HS6ST3: variants seen among roughly 807,000 people sequenced by gnomAD.
HS6ST3 encodes the protein heparan sulfate 6-O-sulfotransferase 3, also known as heparan-sulfate 6-O-sulfotransferase 3.
HS6ST3 carries 12 observed loss-of-function variants against 36.7 expected under a neutral mutation model. The ratio of observed to expected loss-of-function variants is 0.33; its 90% CI spans 0.21 to 0.53. HS6ST3 has a LOEUF of 0.53. Ranked by LOEUF, HS6ST3 falls within the 20% of genes least tolerant of loss-of-function variation. The pLI is 0.95. For missense variants in HS6ST3, 584 were observed against 640.9 expected (o/e 0.91, Z 0.96); for synonymous variants, 240 against 257.5 (o/e 0.93, Z 0.65).
intron 1 of HS6ST3, among the ~76,000 whole-genome samples, chr13:96,391,174 G>T (rs911828802): frequency 3.3e-5 from 5 of 152,072 alleles, no homozygotes; most frequent in African/African-American, 1.2e-4. Context: ...CTCTATGCTC[G>T]CTTGATAGCA....
intron 1 of HS6ST3, among the ~76,000 whole-genome samples, chr13:96,758,493 A>G (rs1876887578): frequency 6.6e-6 from 1 of 151,692 alleles, no homozygotes; most frequent in East Asian, 1.9e-4. Context: ...CTTTAGGTGG[A>G]AACATATCAT....
In HS6ST3 at chr13:96,834,576, G is replaced by A. The variant is rs1266974465; in HGVS notation, c.*1378G>A. The A allele has an allele frequency of 6.6e-6, 1 of 152,592 alleles. No individual in the cohort carries two copies. The highest frequency in any genetic ancestry group is 1.5e-5 in the Non-Finnish European group (1 of 68,048). The allele number at this position is 152,592 out of a possible 1,614,324, so 9.5% of individuals were successfully genotyped here. A position where few individuals can be genotyped will look rare whatever the true frequency, so the allele number is the denominator to read the frequency against. ...ATATGTATGGAAGAAGGAAGAGAAA[G>A]CCTTTGTCTAGCATTTATTAGGAGG... On this transcript the variant is annotated 3_prime_UTR_variant, in exon 2 of 2. Coordinates refer to ENST00000376705, the MANE Select transcript of HS6ST3 (RefSeq NM_153456.4).
intron 1 of HS6ST3, among the ~76,000 whole-genome samples, chr13:96,334,203 T>A (rs1257391197): frequency 6.6e-6 from 1 of 152,170 alleles, no homozygotes; most frequent in Non-Finnish European, 1.5e-5. Context: ...TCATGCCAAG[T>A]CTCGTGTTGA....
intron 1 of HS6ST3, among the ~76,000 whole-genome samples, chr13:96,536,841 G>C (rs2056157347): frequency 6.6e-6 from 1 of 152,168 alleles, no homozygotes; most frequent in Middle Eastern, 3.2e-3. Flanking sequence ...AAGTTGTGTG[G>C]TTTCAGTAGT....
intron 1 of HS6ST3, among the ~76,000 whole-genome samples, chr13:96,645,079 T>G (rs2056584244): frequency 6.6e-6 from 1 of 151,920 alleles, no homozygotes; most frequent in South Asian, 2.1e-4. Context: ...TTTAAATAAA[T>G]GTATTGCCTA....
At chr13:96,503,978 C>T (rs531145261) in intron 1 of HS6ST3, among the ~76,000 whole-genome samples, 27 of 152,074 alleles carry the variant, frequency 1.8e-4, no homozygotes, top group Admixed American at 2.6e-4. Context: ...GAAGACTAAG[C>T]GAGAAGCAAG....
intron 1 of HS6ST3, among the ~76,000 whole-genome samples, chr13:96,778,760 G>C (rs1877456303): frequency 6.6e-6 from 1 of 152,156 alleles, no homozygotes; most frequent in Non-Finnish European, 1.5e-5. Flanking sequence ...AAGAAGTGTG[G>C]CGATTTGTCA....
At chr13:96,828,789 T>TA (rs759869976) in intron 1 of HS6ST3, among the ~76,000 whole-genome samples, 43 of 152,352 alleles carry the variant, frequency 2.8e-4, no homozygotes, top group Non-Finnish European at 5.0e-4. Flanking sequence ...TCAGTGAGTT[T>TA]ATCTAAATAA....
chr13:96,440,245 G>A (rs900135891), intron 1 of HS6ST3, among the ~76,000 whole-genome samples: 10 of 152,052 alleles, frequency 6.6e-5, no homozygotes, highest in Admixed American at 1.3e-4. Context: ...TCAGGAGTTC[G>A]ACACCAGACT....
chr13:96,607,069 A>C (rs1046361807), intron 1 of HS6ST3, among the ~76,000 whole-genome samples: 2 of 152,214 alleles, frequency 1.3e-5, no homozygotes, highest in African/African-American at 4.8e-5. Context: ...AAGCTTTTCT[A>C]AGTAAAATGT....
intron 1 of HS6ST3, among the ~76,000 whole-genome samples, chr13:96,128,136 G>C (rs1274083149): frequency 6.6e-6 from 1 of 152,196 alleles, no homozygotes; most frequent in East Asian, 1.9e-4. Flanking sequence ...CCAGTGTTTT[G>C]TTATGGAAAT....
At chr13:96,419,713 C>G (rs1419520465) in intron 1 of HS6ST3, among the ~76,000 whole-genome samples, 2 of 152,128 alleles carry the variant, frequency 1.3e-5, no homozygotes, top group African/African-American at 4.8e-5. Flanking sequence ...CTTTACTCTT[C>G]TAGCTTCTGG....
intron 1 of HS6ST3, among the ~76,000 whole-genome samples, chr13:96,248,254 T>C (rs1011726517): frequency 6.6e-6 from 1 of 152,168 alleles, no homozygotes; most frequent in African/African-American, 2.4e-5. Context: ...GTAGTGTGAC[T>C]GGGCTGCAGC....
intron 1 of HS6ST3, among the ~76,000 whole-genome samples, chr13:96,464,163 C>CAAAAAAAAAAAAAAAAAAAAAAAAAA (rs1322172089): frequency 8.9e-4 from 58 of 64,820 alleles, no homozygotes; most frequent in South Asian, 2.7e-3. Flanking sequence ...AAAAAAAAAT[C>CAAAAAAAAAAAAAAAAAAAAAAAAAA]AAAGATCTGA....
At chr13:96,821,877 G>A (rs1181298131) in intron 1 of HS6ST3, among the ~76,000 whole-genome samples, 6 of 152,196 alleles carry the variant, frequency 3.9e-5, no homozygotes, top group Non-Finnish European at 4.4e-5. Flanking sequence ...ATATATTCTT[G>A]TGATGTTTTT....
chr13:96,523,978 C>T (rs543646757), intron 1 of HS6ST3, among the ~76,000 whole-genome samples: 23 of 152,252 alleles, frequency 1.5e-4, no homozygotes, highest in Non-Finnish European at 2.4e-4. Context: ...GCTCTGGTTT[C>T]CCCTAATCTT....
In HS6ST3 at chr13:96,107,055, G is replaced by T. The variant is rs1355910769; in HGVS notation, c.707+15486G>T. Among the ~76,000 whole-genome samples, 20 of 152,186 alleles carry T rather than the reference G, an allele frequency of 1.3e-4. 1 individual carries two copies. Among genetic ancestry groups the T allele is most frequent in the Non-Finnish European group, 2.9e-5 (2 of 68,020 alleles). On this transcript the variant is annotated intron_variant, in intron 1 of 1. Coordinates refer to ENST00000376705, the MANE Select transcript of HS6ST3 (RefSeq NM_153456.4). The stretch of plus-strand genomic sequence containing the variant: ...GAGTTTTACCCAGTGAGTAGCAAGG[G>T]AGTTATGGATATTTGCAAGGGAACA...
chr13:96,283,798 T>G (rs1042893773), intron 1 of HS6ST3, among the ~76,000 whole-genome samples: 15 of 152,168 alleles, frequency 9.9e-5, no homozygotes, highest in African/African-American at 3.4e-4. Context: ...CTTGGGAGCT[T>G]GTTAAAACAT....
intron 1 of HS6ST3, among the ~76,000 whole-genome samples, chr13:96,370,569 C>A (rs1448667016): frequency 5.3e-5 from 8 of 152,170 alleles, no homozygotes. Flanking sequence ...CAGACCCTCT[C>A]AAGGGTAATC....
Sources: gnomAD v4.1 joint callset for allele counts (sites outside exome capture counted in the v4.1 genomes callset) on GRCh38, gnomAD v4.1.1 for gene constraint, MANE v1.5 for transcripts, NCBI Gene and HGNC (gene_info 2026-07-23, HGNC 2026-07-21) for gene names.